Variants in CA10 observed in about 807,000 individuals in gnomAD.
CA10 encodes the protein carbonic anhydrase-related protein 10.
A neutral mutation model predicts 44.2 loss-of-function variants in CA10; 14 were observed. That is an observed-to-expected ratio of 0.32 (90% confidence interval 0.21 to 0.50). CA10 has a LOEUF of 0.50. Ranked by LOEUF, CA10 falls within the 20% of genes least tolerant of loss-of-function variation. The pLI is 0.99. For synonymous variants in CA10, 159 were observed against 141.6 expected (o/e 1.12, Z -0.87); for missense variants, 350 against 409.7 (o/e 0.85, Z 1.26).
At chr17:51,696,914 G>A (rs1567807289) in intron 4 of CA10, among the ~76,000 whole-genome samples, 1 of 152,082 alleles carries the variant, frequency 6.6e-6, no homozygotes, top group Non-Finnish European at 1.5e-5. Context: ...CTTCTGCACA[G>A]CAAAGAAAAC....
intron 3 of CA10, among the ~76,000 whole-genome samples, chr17:51,783,155 T>G (rs1906125834): frequency 6.6e-6 from 1 of 152,202 alleles, no homozygotes; most frequent in Non-Finnish European, 1.5e-5. Flanking sequence ...AAATGATTTT[T>G]TTTTCTTTCC....
chr17:51,682,955 T>C (rs1478905223), intron 4 of CA10, among the ~76,000 whole-genome samples: 5 of 152,246 alleles, frequency 3.3e-5, no homozygotes, highest in African/African-American at 1.2e-4. Context: ...GGCATGCTTA[T>C]TATAAATCCA....
intron 4 of CA10, among the ~76,000 whole-genome samples, chr17:51,737,478 T>C (rs1242723505): frequency 6.6e-6 from 1 of 152,168 alleles, no homozygotes; most frequent in Non-Finnish European, 1.5e-5. Flanking sequence ...CAGCACTTTA[T>C]GGCTTAAAAA....
chr17:51,852,643 G>A (rs533293149), intron 3 of CA10, among the ~76,000 whole-genome samples: 132 of 152,154 alleles, frequency 8.7e-4, no homozygotes, highest in Non-Finnish European at 1.6e-3. Flanking sequence ...GGAATCAGAA[G>A]GATCTAGATG....
rs7223716 is a variant in CA10 at position 51,759,216 on chromosome 17, A to G, written c.280-11398T>C. Among the ~76,000 whole-genome samples the G allele has an allele frequency of 9.4e-3, 1,424 of 151,830 alleles. 35 individuals are homozygous for G. The highest frequency in any genetic ancestry group is 0.033 in the African/African-American group (1,363 of 41,378). On this transcript the variant is annotated intron_variant, in intron 3 of 8. Coordinates refer to ENST00000451037, the MANE Select transcript of CA10 (RefSeq NM_020178.5). ...TATGCCAACTGGATAAAGTTATTGG[A>G]ACCAAGATGGTACCAGCTGATTGAT... is the stretch of plus-strand genomic sequence containing the variant.
At chr17:51,914,402 A>AT (rs752405268) in intron 3 of CA10, among the ~76,000 whole-genome samples, 22 of 152,160 alleles carry the variant, frequency 1.4e-4, no homozygotes, top group Admixed American at 4.6e-4. Flanking sequence ...TTTATGTGCC[A>AT]TTTTTTTGAT....
intron 4 of CA10, among the ~76,000 whole-genome samples, chr17:51,683,450 A>T (rs1382004833): frequency 6.6e-6 from 1 of 152,142 alleles, no homozygotes; most frequent in Non-Finnish European, 1.5e-5. Context: ...TTCCAGATCC[A>T]TTGTGTGGAC....
chr17:51,777,365 C>T (rs999437309), intron 3 of CA10, among the ~76,000 whole-genome samples: 1 of 152,130 alleles, frequency 6.6e-6, no homozygotes, highest in Admixed American at 6.5e-5. Flanking sequence ...TTCACTTGTA[C>T]ACAGATTTTC....
chr17:51,786,687 A>G (rs1360341710), intron 3 of CA10, among the ~76,000 whole-genome samples: 1 of 152,178 alleles, frequency 6.6e-6, no homozygotes, highest in East Asian at 1.9e-4. Flanking sequence ...TATGTTGAGT[A>G]AAAACATTGA....
At chr17:51,786,211 T>G (rs1336234940) in intron 3 of CA10, among the ~76,000 whole-genome samples, 1 of 114,354 alleles carries the variant, frequency 8.7e-6, no homozygotes, top group African/African-American at 2.9e-5. Context: ...CATCTTTGTG[T>G]GTCTGTGTGT....
At chr17:52,046,741 AC>A in intron 2 of CA10, among the ~76,000 whole-genome samples, 1 of 152,006 alleles carries the variant, frequency 6.6e-6, no homozygotes, top group African/African-American at 2.4e-5. Flanking sequence ...TAGAAAAAAA[AC>A]TTTTAGACCA....
intron 4 of CA10, among the ~76,000 whole-genome samples, chr17:51,704,427 G>A (rs563981862): frequency 2.0e-5 from 3 of 152,300 alleles, no homozygotes; most frequent in East Asian, 3.9e-4. Context: ...TGTGGTCTTG[G>A]GCAAGTGTTT....
At chr17:52,075,737 T>G (rs997360466) in intron 1 of CA10, among the ~76,000 whole-genome samples, 1 of 152,124 alleles carries the variant, frequency 6.6e-6, no homozygotes, top group African/African-American at 2.4e-5. Context: ...ACATCCCTAT[T>G]GACAGTCACT....
chr17:52,011,726 G>A (rs1026992755), intron 2 of CA10, among the ~76,000 whole-genome samples: 1 of 152,002 alleles, frequency 6.6e-6, no homozygotes, highest in African/African-American at 2.4e-5. Flanking sequence ...GACCCAGGAA[G>A]AACTACAGGA....
At chr17:52,103,739 A>C (rs1181443253) in intron 1 of CA10, among the ~76,000 whole-genome samples, 1 of 152,242 alleles carries the variant, frequency 6.6e-6, no homozygotes, top group African/African-American at 2.4e-5. Flanking sequence ...GGTGCAGTTC[A>C]TCGCATTTCT....
chr17:51,892,329 A>G (rs1212558944), intron 3 of CA10, among the ~76,000 whole-genome samples: 4 of 152,230 alleles, frequency 2.6e-5, no homozygotes, highest in African/African-American at 9.6e-5. Flanking sequence ...TGCATAAACA[A>G]CAATGCTAGG....
chr17:52,041,954 G>A (rs1424893169), intron 2 of CA10, among the ~76,000 whole-genome samples: 1 of 151,966 alleles, frequency 6.6e-6, no homozygotes, highest in Non-Finnish European at 1.5e-5. Context: ...ATTCCTCTGT[G>A]TGTGTCTGTG....
chr17:51,998,159 G>A (rs1434934179), intron 2 of CA10, among the ~76,000 whole-genome samples: 2 of 152,078 alleles, frequency 1.3e-5, no homozygotes, highest in East Asian at 1.9e-4. Flanking sequence ...CCAGGTCAAA[G>A]CCTATGTTCT....
chr17:51,969,586 T>C (rs1984205971), intron 2 of CA10, among the ~76,000 whole-genome samples: 1 of 152,064 alleles, frequency 6.6e-6, no homozygotes. Context: ...TAATCTGCTA[T>C]GTTGAATAGA....
Sources: allele counts gnomAD v4.1 joint callset (sites outside exome capture counted in the v4.1 genomes callset), GRCh38; gene constraint gnomAD v4.1.1; transcripts MANE v1.5; gene names NCBI Gene and HGNC (gene_info 2026-07-23, HGNC 2026-07-21).